ATP8A2: variants seen among roughly 807,000 people sequenced by gnomAD.
ATP8A2 encodes the protein phospholipid-transporting ATPase IB.
In ATP8A2, 100 loss-of-function variants were observed where a neutral mutation model predicts 165.6. That is an observed-to-expected ratio of 0.60 (90% CI 0.51 to 0.71). The LOEUF (loss-of-function observed/expected upper bound fraction) is 0.71, where lower values mean the gene tolerates loss of function less well. Ranked by LOEUF, ATP8A2 falls within the 30% of genes least tolerant of loss-of-function variation. The pLI, the probability that ATP8A2 is intolerant of heterozygous loss-of-function variation, is 0.00. For synonymous variants in ATP8A2, 543 were observed against 548.8 expected (o/e 0.99, Z 0.15); for missense variants, 1,227 against 1,479.5 (o/e 0.83, Z 2.80).
intron 1 of ATP8A2, among the ~76,000 whole-genome samples, chr13:25,453,251 C>T (rs1022946731): frequency 4.6e-5 from 7 of 151,728 alleles, no homozygotes; most frequent in African/African-American, 1.5e-4. Context: ...CTCAGCCTCC[C>T]GAGTAGCTGG....
At chr13:25,798,322 G>T (rs1950538736) in intron 27 of ATP8A2, among the ~76,000 whole-genome samples, 1 of 152,186 alleles carries the variant, frequency 6.6e-6, no homozygotes, top group Admixed American at 6.5e-5. Flanking sequence ...TGTTATTTGT[G>T]AAAAGTGTCA....
intron 25 of ATP8A2, among the ~76,000 whole-genome samples, chr13:25,742,534 T>C (rs2043936177): frequency 2.6e-5 from 4 of 152,126 alleles, no homozygotes. Flanking sequence ...CCCCTCATTA[T>C]TAAAGTGTCT....
At chr13:25,930,462 A>C (rs1193067910) in intron 33 of ATP8A2, among the ~76,000 whole-genome samples, 2 of 150,742 alleles carry the variant, frequency 1.3e-5, no homozygotes, top group Non-Finnish European at 3.0e-5. Context: ...AGCTCCCCAA[A>C]CTCTCTTGCC....
intron 1 of ATP8A2, among the ~76,000 whole-genome samples, chr13:25,417,524 A>C (rs775765531): frequency 1.4e-4 from 12 of 84,608 alleles, no homozygotes; most frequent in Non-Finnish European, 2.3e-4. Flanking sequence ...CATGGTACAG[A>C]TGGGATTAAA....
At chr13:25,651,745 C>A (rs2041818211) in intron 24 of ATP8A2, among the ~76,000 whole-genome samples, 1 of 152,024 alleles carries the variant, frequency 6.6e-6, no homozygotes, top group Non-Finnish European at 1.5e-5. Flanking sequence ...TTGCTCTTAT[C>A]TATTGTGGTA....
chr13:25,541,912 C>A lies in ATP8A2; in HGVS notation c.652-7C>A. On this transcript the variant is annotated splice_polypyrimidine_tract_variant and splice_region_variant and intron_variant, in intron 8 of 36. Transcript: ENST00000381655. The stretch of plus-strand genomic sequence containing the variant: ...GTTTGACTTCCTCTTTTGGTTTAAT[C>A]TTTTAGGGTTTGAGTCACACTGCTG... The A allele has an allele frequency of 1.2e-6, 2 of 1,613,830 alleles. No homozygotes were observed. Among genetic ancestry groups the A allele is most frequent in the Non-Finnish European group, 1.7e-6 (2 of 1,179,870 alleles).
At chr13:25,827,595 A>G (rs1200208001) in intron 27 of ATP8A2, among the ~76,000 whole-genome samples, 2 of 152,222 alleles carry the variant, frequency 1.3e-5, no homozygotes, top group African/African-American at 2.4e-5. Context: ...TGATTTGAAC[A>G]TGTTTCTTTT....
chr13:25,531,307 G>GATATATATATGTTATATATGAT (rs570476612), intron 4 of ATP8A2, among the ~76,000 whole-genome samples: 1 of 111,094 alleles, frequency 9.0e-6, no homozygotes, highest in African/African-American at 4.1e-5. Context: ...TGTTATATAT[G>GATATATATATGTTATATATGAT]ATATATATGT....
intron 33 of ATP8A2, among the ~76,000 whole-genome samples, chr13:25,862,703 C>T (rs1288700785): frequency 6.6e-6 from 1 of 152,194 alleles, no homozygotes. Context: ...GTTAATTACA[C>T]ACAGTACCAA....
chr13:25,399,397 C>CTTTTTTTTTTTTTT (rs71077467), intron 1 of ATP8A2, among the ~76,000 whole-genome samples: 3 of 74,056 alleles, frequency 4.1e-5, no homozygotes, highest in Non-Finnish European at 2.4e-5. Context: ...AGTGGTTCTT[C>CTTTTTTTTTTTTTT]TTTTTTTTTT....
intron 27 of ATP8A2, among the ~76,000 whole-genome samples, chr13:25,797,351 G>A (rs910205148): frequency 2.0e-5 from 3 of 151,952 alleles, no homozygotes; most frequent in Non-Finnish European, 2.9e-5. Context: ...TGATGGATAC[G>A]CTATTTACCC....
At chr13:25,900,244 A>G (rs903908675) in intron 33 of ATP8A2, among the ~76,000 whole-genome samples, 5 of 152,176 alleles carry the variant, frequency 3.3e-5, no homozygotes, top group African/African-American at 1.2e-4. Context: ...AAACATGTAC[A>G]GGCACAATTG....
At chr13:25,892,808 T>G (rs1235418826) in intron 33 of ATP8A2, among the ~76,000 whole-genome samples, 3 of 107,772 alleles carry the variant, frequency 2.8e-5, no homozygotes, top group East Asian at 2.2e-4. Context: ...TTTAGTCTGT[T>G]TTTTTTTTTT....
At chr13:25,673,867 A>C (rs564566287) in intron 24 of ATP8A2, among the ~76,000 whole-genome samples, 7 of 152,318 alleles carry the variant, frequency 4.6e-5, no homozygotes, top group African/African-American at 1.7e-4. Context: ...GGGAAAAAGA[A>C]ACAATTTTAG....
chr13:25,570,520 C>T lies in ATP8A2; in HGVS notation c.1474-247C>T, dbSNP rs114023615. Among the ~76,000 whole-genome samples the T allele has an allele frequency of 9.2e-3, 1,401 of 152,294 alleles. 22 individuals are homozygous for T. Among genetic ancestry groups the T allele is most frequent in the African/African-American group, 0.032 (1,338 of 41,552 alleles). On this transcript the variant is annotated intron_variant, in intron 16 of 36. Coordinates refer to ENST00000381655, the MANE Select transcript of ATP8A2 (RefSeq NM_016529.6). ...GCTCTTTCGTCTTTTCTCTCCCCATCTCTTGAGCTAAAGCGCAGGAGCTGC... is the reference window on the plus strand; with the variant it reads ...GCTCTTTCGTCTTTTCTCTCCCCATTTCTTGAGCTAAAGCGCAGGAGCTGC...
At chr13:25,962,612 A>G (rs1955683494) in intron 34 of ATP8A2, among the ~76,000 whole-genome samples, 1 of 152,212 alleles carries the variant, frequency 6.6e-6, no homozygotes, top group Non-Finnish European at 1.5e-5. Flanking sequence ...TCTCCTACAA[A>G]TAGGTGCCAA....
At chr13:25,460,905 C>T (rs1001264400) in intron 1 of ATP8A2, among the ~76,000 whole-genome samples, 3 of 152,180 alleles carry the variant, frequency 2.0e-5, no homozygotes, top group South Asian at 4.1e-4. Context: ...CATCTTTGTG[C>T]TTTGAATTTC....
chr13:25,720,144 C>A (rs529097662), intron 25 of ATP8A2, among the ~76,000 whole-genome samples: 58 of 150,540 alleles, frequency 3.9e-4, no homozygotes, highest in African/African-American at 1.3e-3. Context: ...CTGCACATGA[C>A]CTCCGATAAA....
intron 23 of ATP8A2, among the ~76,000 whole-genome samples, chr13:25,585,283 A>G (rs148238250): frequency 5.3e-5 from 8 of 152,328 alleles, no homozygotes; most frequent in Non-Finnish European, 1.2e-4. Context: ...CTAAAGTGAA[A>G]TTTCAGATGT....
Sources: allele counts gnomAD v4.1 joint callset (sites outside exome capture counted in the v4.1 genomes callset), GRCh38; gene constraint gnomAD v4.1.1; transcripts MANE v1.5; gene names NCBI Gene and HGNC (gene_info 2026-07-23, HGNC 2026-07-21).